Variants in SLC9C1 observed in about 807,000 individuals in gnomAD.
SLC9C1 encodes the protein sodium/hydrogen exchanger 10.
SLC9C1 carries 97 observed loss-of-function variants against 140.9 expected under a neutral mutation model. The ratio of observed to expected loss-of-function variants is 0.69; its 90% CI spans 0.58 to 0.82. The LOEUF is 0.82. SLC9C1 is among the 40% of genes least tolerant of loss of function. The pLI, the probability that SLC9C1 is intolerant of heterozygous loss-of-function variation, is 0.00. For missense variants in SLC9C1, 1,340 were observed against 1,389.3 expected (o/e 0.96, Z 0.56); for synonymous variants, 440 against 442.6 (o/e 0.99, Z 0.07).
intron 18 of SLC9C1, 36 bp downstream of exon 18, chr3:112,202,214 A>G: frequency 1.2e-6 from 2 of 1,606,198 alleles, no homozygotes; most frequent in Non-Finnish European, 1.7e-6. Context: ...CTGAGGGCTG[A>G]GTGAACTCTT....
chr3:112,186,207 T>C (rs2077536660), intron 20 of SLC9C1, among the ~76,000 whole-genome samples: 1 of 152,022 alleles, frequency 6.6e-6, no homozygotes, highest in Non-Finnish European at 1.5e-5. Context: ...AATTTTTTAA[T>C]GAAGAAAAAT....
At chr3:112,165,887 G>A (rs1025639926) in intron 26 of SLC9C1, among the ~76,000 whole-genome samples, 3 of 152,224 alleles carry the variant, frequency 2.0e-5, no homozygotes, top group Admixed American at 2.0e-4. Context: ...GCAGAAGCAG[G>A]CAGGCCTCCT....
chr3:112,179,517 G>A lies in SLC9C1; in HGVS notation c.2919+14C>T, dbSNP rs370889021. 41 of 1,584,730 alleles carry A rather than the reference G, an allele frequency of 2.6e-5. No homozygotes were observed. The East Asian group carries it at 4.4e-4, about 17-fold the overall frequency. ...ACAAAATACAACAAAAGTCACAGGC[G>A]AAGTTTTTCTGACCTCCACTACAGT... On this transcript the variant is annotated intron_variant, in intron 23 of 28. Coordinates refer to ENST00000305815, the MANE Select transcript of SLC9C1 (RefSeq NM_183061.3).
intron 10 of SLC9C1, among the ~76,000 whole-genome samples, chr3:112,251,819 G>A (rs2079467000): frequency 6.6e-6 from 1 of 152,020 alleles, no homozygotes. Context: ...CTCTGGGCAG[G>A]TGAGTGAATG....
chr3:112,200,408 T>C (rs552079259), intron 19 of SLC9C1, among the ~76,000 whole-genome samples: 1 of 152,112 alleles, frequency 6.6e-6, no homozygotes, highest in South Asian at 2.1e-4. Context: ...GTATTTCTGG[T>C]TTGGAAAAAA....
chr3:112,211,141 A>C (rs993553202), intron 15 of SLC9C1, among the ~76,000 whole-genome samples: 3 of 152,210 alleles, frequency 2.0e-5, no homozygotes, highest in Non-Finnish European at 4.4e-5. Flanking sequence ...GCCATTTTTC[A>C]GATAATAAAA....
chr3:112,240,937 A>G (rs2079122317), intron 11 of SLC9C1, among the ~76,000 whole-genome samples: 1 of 147,538 alleles, frequency 6.8e-6, no homozygotes. Context: ...AATTTAACTC[A>G]TGGACATAGA....
At chr3:112,204,446 C>G in intron 16 of SLC9C1, 43 bp from the exon 17 acceptor site, 1 of 1,521,004 alleles carries the variant, frequency 6.6e-7, no homozygotes, top group Non-Finnish European at 8.8e-7. Flanking sequence ...TTTGTTTCTG[C>G]TTTTACTACA....
chr3:112,154,713 C>T (rs1347433331), intron 27 of SLC9C1, among the ~76,000 whole-genome samples: 1 of 152,164 alleles, frequency 6.6e-6, no homozygotes, highest in Non-Finnish European at 1.5e-5. Flanking sequence ...GGGTGTGCTA[C>T]AACCGTAGCC....
chr3:112,196,226 T>A (rs2077765432), intron 20 of SLC9C1, among the ~76,000 whole-genome samples: 1 of 152,080 alleles, frequency 6.6e-6, no homozygotes, highest in Admixed American at 6.6e-5. Context: ...CTCACTGGCT[T>A]CTGGCCTCCA....
intron 13 of SLC9C1, among the ~76,000 whole-genome samples, chr3:112,230,075 A>G (rs9288943): frequency 0.29 from 44,536 of 152,012 alleles, 6,705 homozygotes; most frequent in East Asian, 0.35. Context: ...TAAAGAAGCC[A>G]TGGTTGGCTG....
chr3:112,243,484 T>C (rs11711153), intron 11 of SLC9C1, among the ~76,000 whole-genome samples: 44,862 of 151,990 alleles, frequency 0.3, 6,815 homozygotes, highest in East Asian at 0.36. Context: ...GAATAGTGGA[T>C]ACCAGGGAGT....
chr3:112,167,442 T>A, intron 25 of SLC9C1, 95 bp from the exon 26 acceptor site: 3 of 1,267,080 alleles, frequency 2.4e-6, no homozygotes, highest in Non-Finnish European at 3.2e-6. Context: ...TCTCTAGGTA[T>A]CTGGGAAAAA....
chr3:112,235,851 T>A (rs2078969394), intron 12 of SLC9C1, among the ~76,000 whole-genome samples: 1 of 152,218 alleles, frequency 6.6e-6, no homozygotes, highest in Non-Finnish European at 1.5e-5. Flanking sequence ...CTTTTTGATG[T>A]GCCACTGGAT....
chr3:112,165,924 C>T (rs866788287), intron 26 of SLC9C1, among the ~76,000 whole-genome samples: 25 of 152,312 alleles, frequency 1.6e-4, no homozygotes, highest in African/African-American at 5.8e-4. Flanking sequence ...CCACCCAGTT[C>T]GATCTTCCTG....
At chr3:112,266,610 T>C (rs1293225282) in intron 7 of SLC9C1, among the ~76,000 whole-genome samples, 1 of 152,232 alleles carries the variant, frequency 6.6e-6, no homozygotes, top group Non-Finnish European at 1.5e-5. Context: ...GAGCACACTT[T>C]AGAGGTCTGG....
chr3:112,263,789 G>T (rs772679171), intron 9 of SLC9C1, among the ~76,000 whole-genome samples: 24 of 151,666 alleles, frequency 1.6e-4, no homozygotes, highest in Non-Finnish European at 3.0e-4. Flanking sequence ...CTACAAAAAT[G>T]ATTTGAGAAA....
chr3:112,214,275 A>C (rs2078292326), intron 15 of SLC9C1, among the ~76,000 whole-genome samples: 1 of 152,212 alleles, frequency 6.6e-6, no homozygotes, highest in Admixed American at 6.5e-5. Flanking sequence ...TATAATTGAC[A>C]CCCTAACATC....
At chr3:112,231,154 CTT>C (rs1265304829) in intron 13 of SLC9C1, among the ~76,000 whole-genome samples, 17 of 138,596 alleles carry the variant, frequency 1.2e-4, no homozygotes, top group East Asian at 3.9e-4. Flanking sequence ...CCCTTTCTTT[CTT>C]TCTTTCTCTT....
Sources: gnomAD v4.1 joint callset for allele counts (sites outside exome capture counted in the v4.1 genomes callset) on GRCh38, gnomAD v4.1.1 for gene constraint, MANE v1.5 for transcripts, NCBI Gene and HGNC (gene_info 2026-07-23, HGNC 2026-07-21) for gene names.